Variants in RIMKLB observed in about 807,000 individuals in gnomAD.
RIMKLB encodes ribosomal modification protein rimK like family member B, also known as beta-citrylglutamate synthase B.
A neutral mutation model predicts 32.0 loss-of-function variants in RIMKLB; 7 were observed. That is an observed-to-expected ratio of 0.22 (90% CI 0.12 to 0.41). RIMKLB has a LOEUF of 0.41. RIMKLB is among the 10% of genes least tolerant of loss of function. RIMKLB has a pLI of 1.00. For synonymous variants in RIMKLB, 172 were observed against 185.1 expected, an observed-to-expected ratio of 0.93 and a Z score of 0.57; for missense variants, 289 against 498.7, an observed-to-expected ratio of 0.58 and a Z score of 4.00.
At chr12:8,719,781 A>G (rs1945255308) in intron 2 of RIMKLB, among the ~76,000 whole-genome samples, 1 of 152,210 alleles carries the variant, frequency 6.6e-6, no homozygotes, top group Non-Finnish European at 1.5e-5. Context: ...AAAAAGATAT[A>G]TAGAAAACCA....
upstream of RIMKLB, chr12:8,678,936 A>C (rs146826835): frequency 4.6e-5 from 7 of 152,222 alleles, no homozygotes; most frequent in Admixed American, 1.3e-4. Context: ...TAATAGCTAC[A>C]TGAAGAGGCT....
At chr12:8,733,567 A>AGT (rs1946737388) in intron 2 of RIMKLB, among the ~76,000 whole-genome samples, 1 of 152,174 alleles carries the variant, frequency 6.6e-6, no homozygotes, top group African/African-American at 2.4e-5. Flanking sequence ...TGAAGAAAAG[A>AGT]GTTTGTTAAT....
At position 8,698,003 on chromosome 12, in the gene RIMKLB, T is replaced by G. The variant is rs1245580270; in HGVS notation, c.-351T>G. The G allele has an allele frequency of 1.2e-5, 2 of 160,274 alleles. No individual in the cohort carries two copies. Among genetic ancestry groups the G allele is most frequent in the Non-Finnish European group, 1.4e-5 (1 of 73,268 alleles). The allele number at this position is 160,274 out of a possible 1,614,324, so 9.9% of individuals were successfully genotyped here. A position where few individuals can be genotyped will look rare whatever the true frequency, so the allele number is the denominator to read the frequency against. ...GTCGCGCGCGCGCGCGGCAGGCGAGTGAGGGAACGAGGAGCGGCCGGGTGT... is the reference window on the plus strand; with the variant it reads ...GTCGCGCGCGCGCGCGGCAGGCGAGGGAGGGAACGAGGAGCGGCCGGGTGT... On this transcript the variant is annotated 5_prime_UTR_variant, in exon 1 of 6. Coordinates refer to ENST00000535829, the MANE Select transcript of RIMKLB (RefSeq NM_001297776.2).
intron 5 of RIMKLB, among the ~76,000 whole-genome samples, chr12:8,762,434 C>T (rs368028708): frequency 1.6e-4 from 25 of 152,096 alleles, no homozygotes; most frequent in African/African-American, 3.9e-4. Context: ...TCCTGCCTTG[C>T]GGCTCTTTTG....
chr12:8,722,223 A>AAAAC (rs1008184733), intron 2 of RIMKLB, among the ~76,000 whole-genome samples: 2 of 142,536 alleles, frequency 1.4e-5, no homozygotes, highest in African/African-American at 6.1e-5. Context: ...ACAGAGCTAA[A>AAAAC]AAAAAAAAAA....
At position 8,745,150 on chromosome 12, in the gene RIMKLB, A is replaced by G. The variant is rs866069797; in HGVS notation, c.176-4712A>G. Among the ~76,000 whole-genome samples, 7 of 151,782 alleles carry G rather than the reference A, an allele frequency of 4.6e-5. No individual in the cohort carries two copies. In the South Asian group the frequency reaches 8.3e-4, roughly 18 times the overall value. ...GTTTTTAGTAGAGACGGGTTTTGCC[A>G]TGTTGGCCAACTGGTCTTGAACTCC... On this transcript the variant is annotated intron_variant, in intron 2 of 5. Transcript: ENST00000535829.
At chr12:8,723,982 A>AGTTTTGTTTTGTTTT (rs75784732) in intron 2 of RIMKLB, among the ~76,000 whole-genome samples, 2,779 of 150,912 alleles carry the variant, frequency 0.018, 85 homozygotes, top group African/African-American at 0.064. Context: ...TGCCTGGCTA[A>AGTTTTGTTTTGTTTT]GTTTTGTTTT....
chr12:8,689,648 C>T (rs975373126), intron 1 of RIMKLB, among the ~76,000 whole-genome samples: 2 of 152,024 alleles, frequency 1.3e-5, no homozygotes, highest in Non-Finnish European at 2.9e-5. Context: ...TTCACTTTTT[C>T]CTCACCTTTC....
chr12:8,750,625 GT>G (rs59008678), intron 3 of RIMKLB, among the ~76,000 whole-genome samples: 96 of 146,540 alleles, frequency 6.6e-4, no homozygotes, highest in Middle Eastern at 3.5e-3. Context: ...TGGTAAAAGG[GT>G]TTTTTTTTTT....
At chr12:8,704,592 T>C (rs752356494) in intron 1 of RIMKLB, among the ~76,000 whole-genome samples, 1 of 152,334 alleles carries the variant, frequency 6.6e-6, no homozygotes, top group East Asian at 1.9e-4. Context: ...TAAACCTTAA[T>C]TATATGCTAT....
rs747636269 is a variant in RIMKLB, at chr12:8,724,039, C to A, written c.175+9998C>A. Among the ~76,000 whole-genome samples, 3 of 151,722 alleles carry A rather than the reference C, an allele frequency of 2.0e-5. No homozygotes were observed. The South Asian group carries it at 6.2e-4, about 32-fold the overall frequency. ...ATGGAGTTGGGGTTTTGTCAAGTTG[C>A]CCAGGCTGGGCTTAAGCAATCTGCC... On this transcript the variant is annotated intron_variant, in intron 2 of 5. Coordinates refer to ENST00000535829, the MANE Select transcript of RIMKLB (RefSeq NM_001297776.2).
intron 5 of RIMKLB, among the ~76,000 whole-genome samples, chr12:8,762,639 A>G (rs934565072): frequency 1.3e-5 from 2 of 152,126 alleles, no homozygotes; most frequent in African/African-American, 2.4e-5. Flanking sequence ...GTGGTCATGG[A>G]GGACTAGGTA....
Position 8,776,483 on chromosome 12 carries a change from G to T in RIMKLB, c.*2699G>T, listed in dbSNP as rs1404124611. 2 of 734,552 alleles carry T rather than the reference G, an allele frequency of 2.7e-6. No homozygotes were observed. The highest frequency in any genetic ancestry group is 3.3e-6 in the Non-Finnish European group (2 of 601,634). 45.5% of individuals were successfully genotyped at this position (734,552 alleles called of 1,614,324 possible). A position where few individuals can be genotyped will look rare whatever the true frequency, so the allele number is the denominator to read the frequency against. On this transcript the variant is annotated 3_prime_UTR_variant, in exon 6 of 6. Coordinates refer to ENST00000535829, the MANE Select transcript of RIMKLB (RefSeq NM_001297776.2). ...CTTCATTGCTATTATGAGAGAGAATGTATATATCAAATATGTGTAATGATA... is the reference window on the plus strand; with the variant it reads ...CTTCATTGCTATTATGAGAGAGAATTTATATATCAAATATGTGTAATGATA...
intron 5 of RIMKLB, among the ~76,000 whole-genome samples, chr12:8,765,756 G>T (rs760825143): frequency 4.5e-4 from 68 of 152,144 alleles, no homozygotes; most frequent in Admixed American, 2.7e-3. Context: ...ATTAGTTGGG[G>T]AAGAAGCTGG....
At chr12:8,670,787 G>A in the RIMKLB span, among the ~76,000 whole-genome samples, 1 of 152,268 alleles carries the variant, frequency 6.6e-6, no homozygotes, top group African/African-American at 2.4e-5. Flanking sequence ...CCCTGGCAGA[G>A]GTTCTGCATG....
intron 1 of RIMKLB, among the ~76,000 whole-genome samples, chr12:8,683,190 T>C (rs1942465725): frequency 6.6e-6 from 1 of 152,212 alleles, no homozygotes; most frequent in Non-Finnish European, 1.5e-5. Context: ...CCCACAAGTT[T>C]TGGCAATTAT....
chr12:8,706,039 T>G (rs1209287534), intron 1 of RIMKLB, among the ~76,000 whole-genome samples: 2 of 152,184 alleles, frequency 1.3e-5, no homozygotes, highest in African/African-American at 4.8e-5. Flanking sequence ...TTTGCCCAAA[T>G]AGCTTGGAAC....
At chr12:8,766,290 C>T (rs944974058) in intron 5 of RIMKLB, among the ~76,000 whole-genome samples, 6 of 152,084 alleles carry the variant, frequency 3.9e-5, no homozygotes, top group East Asian at 1.9e-4. Context: ...CCTGTTTTCC[C>T]GCCTTTCTTG....
At chr12:8,677,084 A>C (rs995531535), upstream of RIMKLB, among the ~76,000 whole-genome samples, 3 of 152,154 alleles carry the variant, frequency 2.0e-5, no homozygotes, top group African/African-American at 7.2e-5. Flanking sequence ...TGGAATCTAA[A>C]TCACATTCAA....
Sources: allele counts gnomAD v4.1 joint callset (sites outside exome capture counted in the v4.1 genomes callset), GRCh38; gene constraint gnomAD v4.1.1; transcripts MANE v1.5; gene names NCBI Gene and HGNC (gene_info 2026-07-23, HGNC 2026-07-21).